TGFBR3: variants seen among roughly 807,000 people sequenced by gnomAD.
TGFBR3 encodes the protein transforming growth factor beta receptor type 3.
Under a neutral mutation model 87.9 loss-of-function variants are expected in TGFBR3, and 46 were observed. That is an observed-to-expected ratio of 0.52 (90% confidence interval 0.41 to 0.67). TGFBR3 has a LOEUF of 0.67. Ranked by LOEUF, TGFBR3 falls within the 30% of genes least tolerant of loss-of-function variation. The probability of loss-of-function intolerance (pLI) is 0.00; values close to 1 mark genes in which losing one functional copy is unlikely to be tolerated. For missense variants in TGFBR3, 866 were observed against 1,041.9 expected, an observed-to-expected ratio of 0.83 and a Z score of 2.32; for synonymous variants, 381 against 391.6, an observed-to-expected ratio of 0.97 and a Z score of 0.32.
At chr1:91,739,853 G>A (rs532360601) in intron 4 of TGFBR3, among the ~76,000 whole-genome samples, 215 of 152,292 alleles carry the variant, frequency 1.4e-3, no homozygotes, top group African/African-American at 4.2e-3. Context: ...GGAAGGTGAA[G>A]AGGAAGCAGG....
intron 1 of TGFBR3, among the ~76,000 whole-genome samples, chr1:91,900,910 G>A (rs1358218337): frequency 3.3e-5 from 5 of 152,184 alleles, no homozygotes; most frequent in African/African-American, 1.2e-4. Flanking sequence ...TGTTTTATTT[G>A]AGATAAGGTC....
intron 2 of TGFBR3, among the ~76,000 whole-genome samples, chr1:91,833,832 C>T (rs1676957721): frequency 6.6e-6 from 1 of 150,988 alleles, no homozygotes; most frequent in Admixed American, 6.6e-5. Context: ...AGGAATATCC[C>T]AGTGAGATCT....
chr1:91,717,778 C>T (rs919868664), intron 10 of TGFBR3, among the ~76,000 whole-genome samples: 1 of 149,562 alleles, frequency 6.7e-6, no homozygotes, highest in Non-Finnish European at 1.5e-5. Context: ...TAGGATATTG[C>T]TAAACTCAAA....
intron 1 of TGFBR3, among the ~76,000 whole-genome samples, chr1:91,876,846 A>C (rs1447066660): frequency 1.3e-5 from 2 of 151,994 alleles, no homozygotes; most frequent in South Asian, 4.2e-4. Context: ...CAACAGAAAA[A>C]CTAGCAGATT....
At chr1:91,696,507 T>A (rs1053514060) in intron 15 of TGFBR3, among the ~76,000 whole-genome samples, 2 of 152,188 alleles carry the variant, frequency 1.3e-5, no homozygotes, top group Non-Finnish European at 2.9e-5. Context: ...GCAAAACATA[T>A]AAATAGAACC....
chr1:91,765,008 C>G (rs1008044777), intron 3 of TGFBR3, among the ~76,000 whole-genome samples: 1 of 152,190 alleles, frequency 6.6e-6, no homozygotes, highest in African/African-American at 2.4e-5. Context: ...AGGCCCAACA[C>G]AAATTCGTAA....
At chr1:91,827,686 G>A (rs1285574954) in intron 2 of TGFBR3, among the ~76,000 whole-genome samples, 1 of 152,152 alleles carries the variant, frequency 6.6e-6, no homozygotes, top group East Asian at 1.9e-4. Flanking sequence ...GTAAGCACTT[G>A]GTAAATGTTT....
At chr1:91,741,852 T>C (rs1673170797) in intron 4 of TGFBR3, among the ~76,000 whole-genome samples, 1 of 152,186 alleles carries the variant, frequency 6.6e-6, no homozygotes. Flanking sequence ...CCGCTATTCC[T>C]GTTCCTTCTA....
chr1:91,851,852 A>T (rs1480067134), intron 2 of TGFBR3, among the ~76,000 whole-genome samples: 1 of 152,246 alleles, frequency 6.6e-6, no homozygotes, highest in Non-Finnish European at 1.5e-5. Flanking sequence ...TGACTTGGCT[A>T]ACATCACATC....
intron 2 of TGFBR3, 131 bp downstream of exon 2, chr1:91,861,340 C>A: frequency 1.4e-6 from 1 of 733,116 alleles, no homozygotes; most frequent in Non-Finnish European, 2.4e-6. Flanking sequence ...GTAGAGCCTA[C>A]AGTAAGCCAT....
At chr1:91,717,359 T>C (rs1282009205) in intron 10 of TGFBR3, among the ~76,000 whole-genome samples, 1 of 152,230 alleles carries the variant, frequency 6.6e-6, no homozygotes, top group African/African-American at 2.4e-5. Flanking sequence ...AATCTTTCTC[T>C]ATGGTGTATG....
intron 1 of TGFBR3, among the ~76,000 whole-genome samples, chr1:91,903,555 C>A (rs1472376041): frequency 6.6e-6 from 1 of 151,322 alleles, no homozygotes; most frequent in Non-Finnish European, 1.5e-5. Flanking sequence ...CCAGCCCAGG[C>A]AACATACTGA....
intron 2 of TGFBR3, among the ~76,000 whole-genome samples, chr1:91,853,259 C>CAAAAAAAAAA (rs11340974): frequency 1.3e-5 from 1 of 76,602 alleles, no homozygotes; most frequent in African/African-American, 4.4e-5. Flanking sequence ...TGAGGGTTGG[C>CAAAAAAAAAA]AAAAAAAAAA....
intron 14 of TGFBR3, among the ~76,000 whole-genome samples, chr1:91,707,261 C>T (rs961718460): frequency 7.9e-5 from 12 of 152,220 alleles, no homozygotes; most frequent in African/African-American, 2.7e-4. Context: ...CAGCTCCAAT[C>T]CAGTGTGCCT....
intron 3 of TGFBR3, among the ~76,000 whole-genome samples, chr1:91,775,898 T>C (rs1674550180): frequency 6.6e-6 from 1 of 152,224 alleles, no homozygotes; most frequent in South Asian, 2.1e-4. Context: ...GGTCTTTCTT[T>C]TGTCTGTTTT....
chr1:91,898,578 A>C (rs973096286), intron 2 of TGFBR3, among the ~76,000 whole-genome samples: 2 of 151,966 alleles, frequency 1.3e-5, no homozygotes, highest in Non-Finnish European at 2.9e-5. Context: ...CTGGGACCAC[A>C]GGCGCCCGCC....
At chr1:91,831,527 A>C (rs1292886194) in intron 2 of TGFBR3, among the ~76,000 whole-genome samples, 1 of 152,250 alleles carries the variant, frequency 6.6e-6, no homozygotes, top group Non-Finnish European at 1.5e-5. Context: ...TGGAAATGAA[A>C]GGTCCCTAAT....
chr1:91,864,849 A>T (rs985438690), intron 1 of TGFBR3, among the ~76,000 whole-genome samples: 1 of 152,200 alleles, frequency 6.6e-6, no homozygotes, highest in East Asian at 1.9e-4. Context: ...GGGACTCCCA[A>T]TCCTGACTTT....
intron 3 of TGFBR3, among the ~76,000 whole-genome samples, chr1:91,774,402 C>T (rs1439421647): frequency 6.6e-6 from 1 of 152,132 alleles, no homozygotes; most frequent in Non-Finnish European, 1.5e-5. Context: ...TCCCAAAGTG[C>T]TAGGATTATA....
Sources: gnomAD v4.1 joint callset for allele counts (sites outside exome capture counted in the v4.1 genomes callset) on GRCh38, gnomAD v4.1.1 for gene constraint, MANE v1.5 for transcripts, NCBI Gene and HGNC (gene_info 2026-07-23, HGNC 2026-07-21) for gene names.